TMCC3: variants seen among roughly 807,000 people sequenced by gnomAD.
TMCC3 encodes transmembrane and coiled-coil domain family 3, also known as transmembrane and coiled-coil domain protein 3.
TMCC3 carries 28 observed loss-of-function variants against 40.2 expected under a neutral mutation model. The ratio of observed to expected loss-of-function variants is 0.70; its 90% CI spans 0.52 to 0.95. TMCC3 has a LOEUF of 0.95. TMCC3 is among the 40% of genes least tolerant of loss of function. The probability of loss-of-function intolerance (pLI) is 0.00; values close to 1 mark genes in which losing one functional copy is unlikely to be tolerated. For synonymous variants in TMCC3, 255 were observed against 248.5 expected, an observed-to-expected ratio of 1.03 and a Z score of -0.25; for missense variants, 554 against 615.2, an observed-to-expected ratio of 0.90 and a Z score of 1.05.
rs150701249 is a variant in TMCC3 at position 94,596,305 on chromosome 12, A to C, written c.79-13767T>G. 7.8e-3 allele frequency among the ~76,000 whole-genome samples: 1,187 copies of C among 152,346 alleles called. 6 individuals carry two copies. The highest frequency in any genetic ancestry group is 0.011 in the Non-Finnish European group (777 of 68,040). On this transcript the variant is annotated intron_variant, in intron 1 of 3. Transcript: ENST00000261226. ...ATCAAATAAGTTATGGTGACAGCTA[A>C]GAAGACACAGAGCCAGGATTTGTAC...
intron 1 of TMCC3, among the ~76,000 whole-genome samples, chr12:94,647,956 A>C (rs1335896865): frequency 2.0e-5 from 3 of 152,222 alleles, no homozygotes; most frequent in Admixed American, 6.5e-5. Flanking sequence ...TAAAAAACCT[A>C]AAAGCAGATA....
At chr12:94,643,227 A>T (rs2069000774) in intron 1 of TMCC3, among the ~76,000 whole-genome samples, 1 of 152,150 alleles carries the variant, frequency 6.6e-6, no homozygotes, top group Non-Finnish European at 1.5e-5. Context: ...CATAACTCCA[A>T]GACTGGCACT....
chr12:94,585,222 G>A (rs962160595), intron 1 of TMCC3, among the ~76,000 whole-genome samples: 26 of 152,040 alleles, frequency 1.7e-4, no homozygotes, highest in African/African-American at 6.0e-4. Context: ...ACCTTATAGG[G>A]CTATAAGGCC....
chr12:94,586,828 A>G (rs891184051), intron 1 of TMCC3, among the ~76,000 whole-genome samples: 2 of 152,240 alleles, frequency 1.3e-5, no homozygotes, highest in African/African-American at 4.8e-5. Context: ...AATGCTTTGC[A>G]TGTTCTCAAG....
chr12:94,598,783 T>C (rs2068733451), intron 1 of TMCC3: 1 of 984,192 alleles, frequency 1.0e-6, no homozygotes, highest in Non-Finnish European at 1.2e-6. Context: ...AAGATCATAC[T>C]GTTTTGTGAT....
intron 1 of TMCC3, chr12:94,590,839 C>G: frequency 1.9e-6 from 1 of 525,586 alleles, no homozygotes; most frequent in Non-Finnish European, 3.7e-6. Context: ...CGATGTGCAC[C>G]CGCAACAAAC....
chr12:94,610,384 G>C (rs1465141040), intron 1 of TMCC3, among the ~76,000 whole-genome samples: 1 of 151,172 alleles, frequency 6.6e-6, no homozygotes, highest in African/African-American at 2.4e-5. Flanking sequence ...AAACCATCTA[G>C]CCCTTTTGGG....
At position 94,578,404 on chromosome 12, in the gene TMCC3, CGCG is replaced by C; in HGVS notation, c.1118_1120del (p.Ser373_Arg374delinsTrp). On this transcript the variant is annotated inframe_deletion, in exon 3 of 4. Transcript: ENST00000261226. ...CAAAGGGAAAGGTACCTGGATGTCC[CGCG>C]AGCGCTCGTAGGCCTGGTAGGCCAC... 6.2e-7 allele frequency: 1 copy of C among 1,613,712 alleles called. No homozygotes were observed. The highest frequency in any genetic ancestry group is 8.5e-7 in the Non-Finnish European group (1 of 1,179,796).
intron 1 of TMCC3, among the ~76,000 whole-genome samples, chr12:94,592,914 C>G (rs1271629482): frequency 6.6e-6 from 1 of 151,814 alleles, no homozygotes; most frequent in Admixed American, 6.6e-5. Flanking sequence ...TAATTATCTT[C>G]GGCCAGGCGC....
chr12:94,605,290 T>C (rs2068776413), intron 1 of TMCC3, among the ~76,000 whole-genome samples: 1 of 152,226 alleles, frequency 6.6e-6, no homozygotes, highest in South Asian at 2.1e-4. Context: ...AAAGGAGGCT[T>C]ATCTTAAATA....
At chr12:94,641,296 G>T (rs551954813) in intron 1 of TMCC3, among the ~76,000 whole-genome samples, 1 of 152,168 alleles carries the variant, frequency 6.6e-6, no homozygotes, top group South Asian at 2.1e-4. Flanking sequence ...CTGACTGGCT[G>T]TATGGGAAAA....
At chr12:94,593,014 T>G (rs2068688318) in intron 1 of TMCC3, among the ~76,000 whole-genome samples, 1 of 151,794 alleles carries the variant, frequency 6.6e-6, no homozygotes, top group African/African-American at 2.4e-5. Flanking sequence ...CTGGCCAACA[T>G]GGCAAAACCC....
chr12:94,633,949 A>ATT (rs775942177), intron 1 of TMCC3, among the ~76,000 whole-genome samples: 3 of 142,250 alleles, frequency 2.1e-5, no homozygotes, highest in Non-Finnish European at 3.1e-5. Flanking sequence ...TTTGTTTTTT[A>ATT]TTTTTTTTTT....
rs549294660 is a variant in TMCC3 at position 94,587,258 on chromosome 12, C to T, written c.79-4720G>A. Reference sequence around the variant, plus strand: ...TCAGGACACTGTGTTTCTGTTTGGGCGCTGACATTTACTATGTATGTGTTC... The same window carrying T: ...TCAGGACACTGTGTTTCTGTTTGGGTGCTGACATTTACTATGTATGTGTTC... On this transcript the variant is annotated intron_variant, in intron 1 of 3. Coordinates refer to ENST00000261226, the MANE Select transcript of TMCC3 (RefSeq NM_020698.4). Among the ~76,000 whole-genome samples, 7 of 152,080 alleles carry T rather than the reference C, an allele frequency of 4.6e-5. No homozygotes were observed. In the South Asian group the frequency reaches 8.3e-4, roughly 18 times the overall value.
intron 1 of TMCC3, among the ~76,000 whole-genome samples, chr12:94,638,665 C>G (rs746938857): frequency 6.6e-6 from 1 of 152,184 alleles, no homozygotes; most frequent in Non-Finnish European, 1.5e-5. Context: ...CTATGCCAAC[C>G]AGTGATTCAG....
intron 1 of TMCC3, among the ~76,000 whole-genome samples, chr12:94,613,329 G>C (rs536668690): frequency 6.6e-6 from 1 of 151,932 alleles, no homozygotes; most frequent in East Asian, 1.9e-4. Flanking sequence ...AATTAGCCAG[G>C]CATGGTGGCA....
rs17023013 is a variant in TMCC3, at chr12:94,647,138, T to C, written c.78+3215A>G. 4.5e-3 allele frequency among the ~76,000 whole-genome samples: 684 copies of C among 152,358 alleles called. 6 individuals carry two copies. The highest frequency in any genetic ancestry group is 0.016 in the African/African-American group (668 of 41,580). ...TAGGAGTCTAATTATGGATGCTCTT[T>C]CTTCTAAAGTAGAGAGATATGTGCA... On this transcript the variant is annotated intron_variant, in intron 1 of 3. Transcript: ENST00000261226.
intron 2 of TMCC3, among the ~76,000 whole-genome samples, chr12:94,580,505 C>T (rs933188085): frequency 3.9e-5 from 6 of 152,110 alleles, no homozygotes; most frequent in Non-Finnish European, 7.3e-5. Flanking sequence ...GAGGACAAGG[C>T]GGGCGAATCA....
At chr12:94,587,894 A>G (rs1278532217) in intron 1 of TMCC3, among the ~76,000 whole-genome samples, 1 of 152,216 alleles carries the variant, frequency 6.6e-6, no homozygotes, top group Non-Finnish European at 1.5e-5. Context: ...AGCCTCTTTC[A>G]ATTCTTCCAG....
Sources: gnomAD v4.1 joint callset for allele counts (sites outside exome capture counted in the v4.1 genomes callset) on GRCh38, gnomAD v4.1.1 for gene constraint, MANE v1.5 for transcripts, NCBI Gene and HGNC (gene_info 2026-07-23, HGNC 2026-07-21) for gene names.